The following IFT52 variants were observed in gnomAD, a reference collection of about 807,000 sequenced individuals.
IFT52 encodes intraflagellar transport protein 52 homolog.
A neutral mutation model predicts 54.4 loss-of-function variants in IFT52; 44 were observed. The ratio of observed to expected loss-of-function variants is 0.81; its 90% CI spans 0.63 to 1.04. The LOEUF (loss-of-function observed/expected upper bound fraction) is 1.04, where lower values mean the gene tolerates loss of function less well. IFT52 is among the 50% of genes least tolerant of loss of function. IFT52 has a pLI of 0.00. For synonymous variants in IFT52, 181 were observed against 185.3 expected, an observed-to-expected ratio of 0.98 and a Z score of 0.19; for missense variants, 452 against 523.6, an observed-to-expected ratio of 0.86 and a Z score of 1.33.
chr20:43,607,314 C>G (rs1397857025), intron 6 of IFT52, among the ~76,000 whole-genome samples: 4 of 150,488 alleles, frequency 2.7e-5, no homozygotes, highest in African/African-American at 9.8e-5. Context: ...CGGGGGCTGA[C>G]CCCCACCTCC....
At chr20:43,643,263 T>A (rs143993466) in intron 13 of IFT52, among the ~76,000 whole-genome samples, 6,729 of 23,664 alleles carry the variant, frequency 0.28, 1,251 homozygotes, top group Non-Finnish European at 0.35. Context: ...AGGCAGGTGG[T>A]TCAGCTGAGG....
At chr20:43,608,577 A>G (rs775670643) in intron 6 of IFT52, among the ~76,000 whole-genome samples, 3 of 152,076 alleles carry the variant, frequency 2.0e-5, no homozygotes, top group Non-Finnish European at 4.4e-5. Flanking sequence ...TGACATTCTT[A>G]TGTAGTTAAA....
At chr20:43,593,964 A>G (rs1981729967) in intron 1 of IFT52, among the ~76,000 whole-genome samples, 1 of 152,178 alleles carries the variant, frequency 6.6e-6, no homozygotes, top group Non-Finnish European at 1.5e-5. Context: ...AGAATAATGC[A>G]TATGGTAAGA....
intron 3 of IFT52, among the ~76,000 whole-genome samples, chr20:43,603,027 T>G (rs181726865): frequency 1.3e-5 from 2 of 152,212 alleles, no homozygotes; most frequent in African/African-American, 4.8e-5. Context: ...TACATACATA[T>G]TGAATGTATT....
intron 6 of IFT52, among the ~76,000 whole-genome samples, chr20:43,612,354 A>T (rs573624716): frequency 1.3e-5 from 2 of 152,202 alleles, no homozygotes; most frequent in Admixed American, 1.3e-4. Flanking sequence ...TGACAACAAA[A>T]GTCATAGGGT....
rs187727929 is a variant in IFT52 at position 43,603,696 on chromosome 20, T to C, written c.208-64T>C. Reference sequence around the variant, plus strand: ...TATTTTTCATCTAGTTAAGGTCTTATTCATGGTATTTCGGGCAAAAGTCTT... The same window carrying C: ...TATTTTTCATCTAGTTAAGGTCTTACTCATGGTATTTCGGGCAAAAGTCTT... On this transcript the variant is annotated intron_variant, in intron 3 of 13. Coordinates refer to ENST00000373030, the MANE Select transcript of IFT52 (RefSeq NM_016004.5). 264 of 1,451,806 alleles carry C rather than the reference T, an allele frequency of 1.8e-4. No homozygotes were observed. In the African/African-American group the frequency reaches 3.5e-3, roughly 19 times the overall value. The allele number at this position is 1,451,806 out of a possible 1,614,324, so 89.9% of individuals were successfully genotyped here. A position where few individuals can be genotyped will look rare whatever the true frequency, so the allele number is the denominator to read the frequency against.
At chr20:43,637,122 A>C in intron 11 of IFT52, 23 bp from the exon 12 acceptor site, 1 of 1,500,428 alleles carries the variant, frequency 6.7e-7, no homozygotes, top group Non-Finnish European at 9.3e-7. Flanking sequence ...TCATTTCTAA[A>C]TAATGACTTT....
chr20:43,605,689 A>G lies in IFT52; in HGVS notation c.485+616A>G, dbSNP rs938936404. 3.3e-5 allele frequency among the ~76,000 whole-genome samples: 5 copies of G among 152,116 alleles called. No individual in the cohort carries two copies. The South Asian group carries it at 8.3e-4, about 25-fold the overall frequency. On this transcript the variant is annotated intron_variant, in intron 6 of 13. Transcript: ENST00000373030. Reference sequence around the variant, plus strand: ...TCTAACCAACTCCCTATTATTGGACATTTAAGTAGTTTATAATGTTTTTCT... The same window carrying G: ...TCTAACCAACTCCCTATTATTGGACGTTTAAGTAGTTTATAATGTTTTTCT...
chr20:43,632,285 G>A (rs968876855), intron 10 of IFT52, among the ~76,000 whole-genome samples: 1 of 146,420 alleles, frequency 6.8e-6, no homozygotes, highest in Non-Finnish European at 1.5e-5. Flanking sequence ...TTCTGAGACA[G>A]AGTCTTGCTC....
chr20:43,618,921 C>G lies in IFT52; in HGVS notation c.613-19C>G. The G allele has an allele frequency of 1.3e-6, 2 of 1,577,854 alleles. No individual in the cohort carries two copies. Among genetic ancestry groups the G allele is most frequent in the Non-Finnish European group, 1.7e-6 (2 of 1,147,956 alleles). On this transcript the variant is annotated intron_variant, in intron 7 of 13. Coordinates refer to ENST00000373030, the MANE Select transcript of IFT52 (RefSeq NM_016004.5). ...GCACTTTCGGATTTGAGTATCTGACCCTGCTTTGTCATCAATAGAACCAAG... is the reference window on the plus strand; with the variant it reads ...GCACTTTCGGATTTGAGTATCTGACGCTGCTTTGTCATCAATAGAACCAAG...
At chr20:43,609,775 CAAAAAAAAAA>C (rs57268776) in intron 6 of IFT52, among the ~76,000 whole-genome samples, 3 of 47,196 alleles carry the variant, frequency 6.4e-5, no homozygotes, top group Non-Finnish European at 1.1e-4. Flanking sequence ...AACTCCGTCT[CAAAAAAAAAA>C]AAAAAAAAAA....
chr20:43,636,998 A>G (rs1005105785), intron 11 of IFT52, 147 bp from the exon 12 acceptor site: 2 of 565,416 alleles, frequency 3.5e-6, no homozygotes, highest in South Asian at 2.0e-5. Flanking sequence ...GTGGTTCCCA[A>G]CTGAGGAATT....
intron 10 of IFT52, among the ~76,000 whole-genome samples, chr20:43,628,742 T>C (rs1285842900): frequency 6.6e-6 from 1 of 151,934 alleles, no homozygotes; most frequent in African/African-American, 2.4e-5. Context: ...TCCCAGCTAC[T>C]CGGGAGGCTG....
Position 43,647,030 on chromosome 20 carries a change from TA to T in IFT52, c.*50del. 1 of 1,520,038 alleles carries T rather than the reference TA, an allele frequency of 6.6e-7. No homozygotes were observed. Among genetic ancestry groups the T allele is most frequent in the Non-Finnish European group, 9.1e-7 (1 of 1,095,232 alleles). The allele number at this position is 1,520,038 out of a possible 1,614,324, so 94.2% of individuals were successfully genotyped here. A position where few individuals can be genotyped will look rare whatever the true frequency, so the allele number is the denominator to read the frequency against. ...TTTCTGCCTCCTGATTCTCTCTTTG[TA>T]AACTATTTTCAAATTGTTTTTCAAC... On this transcript the variant is annotated 3_prime_UTR_variant, in exon 14 of 14. Transcript: ENST00000373030.
chr20:43,594,815 G>A lies in IFT52; in HGVS notation c.117G>A (p.Gln39=). 1.4e-6 allele frequency: 2 copies of A among 1,450,230 alleles called. No individual in the cohort carries two copies. Among genetic ancestry groups the A allele is most frequent in the Non-Finnish European group, 1.9e-6 (2 of 1,030,788 alleles). 89.8% of individuals were successfully genotyped at this position (1,450,230 alleles called of 1,614,324 possible). A position where few individuals can be genotyped will look rare whatever the true frequency, so the allele number is the denominator to read the frequency against. The part of the protein sequence containing the change: ...QKKLRSNWKI[Q]SLKDEITSEK... Reference sequence around the variant, plus strand: ...AACTTCGGAGTAATTGGAAGATTCAGAGGTGACTGACCATGTATATTGTTT... The same window carrying A: ...AACTTCGGAGTAATTGGAAGATTCAAAGGTGACTGACCATGTATATTGTTT... The change falls in exon 2 of 14, where the codon CAG becomes CAA. Residue 39 remains glutamine (Q), a splice_region_variant and synonymous_variant. Transcript: ENST00000373030.
rs113810411 is a variant in IFT52 at position 43,604,280 on chromosome 20, A to G, written c.413+22A>G. The stretch of plus-strand genomic sequence containing the variant: ...ACAGGTAAGCATGTTGAAAGCAGAA[A>G]TATCTTGGCAAGGCATCGTCGCTCA... On this transcript the variant is annotated intron_variant, in intron 5 of 13. Transcript: ENST00000373030. The G allele has an allele frequency of 1.6e-4, 245 of 1,564,380 alleles. 1 individual carries two copies. The African/African-American group carries it at 2.7e-3, about 17-fold the overall frequency.
At chr20:43,592,076 C>T (rs1000912061) in intron 1 of IFT52, among the ~76,000 whole-genome samples, 1 of 152,116 alleles carries the variant, frequency 6.6e-6, no homozygotes, top group Non-Finnish European at 1.5e-5. Context: ...TTAAACCAGT[C>T]GAGCGAGGTG....
At chr20:43,638,681 A>G (rs1315299042) in intron 12 of IFT52, among the ~76,000 whole-genome samples, 3 of 152,224 alleles carry the variant, frequency 2.0e-5, no homozygotes, top group Non-Finnish European at 4.4e-5. Flanking sequence ...TTTAATGTCC[A>G]CTAGCAGAGT....
At chr20:43,635,809 A>G (rs990838613) in intron 10 of IFT52, 117 bp from the exon 11 acceptor site, 2 of 822,356 alleles carry the variant, frequency 2.4e-6, no homozygotes, top group African/African-American at 3.4e-5. Context: ...GTCCAGTGGT[A>G]TTTCTAAAAA....
Sources: allele counts gnomAD v4.1 joint callset (sites outside exome capture counted in the v4.1 genomes callset), GRCh38; gene constraint gnomAD v4.1.1; transcripts MANE v1.5; gene names NCBI Gene and HGNC (gene_info 2026-07-23, HGNC 2026-07-21).